The following COLEC12 variants were observed in gnomAD, a reference collection of about 807,000 sequenced individuals.
COLEC12 encodes the protein collectin subfamily member 12, also known as collectin-12.
Under a neutral mutation model 71.1 loss-of-function variants are expected in COLEC12, and 33 were observed. The observed-to-expected ratio is 0.46, with a 90% CI of 0.35 to 0.62. The LOEUF is 0.62. Ranked by LOEUF, COLEC12 falls within the 20% of genes least tolerant of loss-of-function variation. COLEC12 has a pLI of 0.00. For missense variants in COLEC12, 765 were observed against 916.1 expected, an observed-to-expected ratio of 0.84 and a Z score of 2.13; for synonymous variants, 350 against 353.0, an observed-to-expected ratio of 0.99 and a Z score of 0.10.
chr18:485,886 G>A (rs1013798220), intron 1 of COLEC12, among the ~76,000 whole-genome samples: 1 of 152,148 alleles, frequency 6.6e-6, no homozygotes, highest in Non-Finnish European at 1.5e-5. Flanking sequence ...ATCCAGTTCT[G>A]GTTCGGACTC....
rs1211006168 is a variant in COLEC12, at chr18:409,443, A to G, written c.59-51921T>C. The stretch of plus-strand genomic sequence containing the variant: ...CAGCTACTCGGGAGGCTGAGGCAGG[A>G]GAATCCACGAGGTGGAGGTTGCAGT... On this transcript the variant is annotated intron_variant, in intron 2 of 9. Coordinates refer to ENST00000400256, the MANE Select transcript of COLEC12 (RefSeq NM_130386.3). Among the ~76,000 whole-genome samples the G allele has an allele frequency of 3.3e-5, 5 of 152,264 alleles. No individual in the cohort carries two copies. The East Asian group carries it at 9.7e-4, about 30-fold the overall frequency.
At chr18:338,768 G>A (rs62089630) in intron 5 of COLEC12, among the ~76,000 whole-genome samples, 16,324 of 152,194 alleles carry the variant, frequency 0.11, 1,065 homozygotes, top group South Asian at 0.17. Context: ...GTAGCATTAT[G>A]GATAGTTCTA....
At chr18:458,718 T>G (rs1916919159) in intron 2 of COLEC12, among the ~76,000 whole-genome samples, 1 of 152,250 alleles carries the variant, frequency 6.6e-6, no homozygotes, top group South Asian at 2.1e-4. Context: ...GGATCACAGA[T>G]TCTGTCTCTA....
At position 357,410 on chromosome 18, in the gene COLEC12, C is replaced by T; in HGVS notation, c.171G>A (p.Leu57=). ...AGAAAGCATGCTTACCTTTATATCC[C>T]AAAATGGCTACTGTGATTGTTAGCA... ...CALLTITVAI[L]GYKVVEKMDN... Residue 57 remains leucine (L), a synonymous_variant, in exon 3 of 10, where the codon TTG becomes TTA. Transcript: ENST00000400256. 24 of 1,595,750 alleles carry T rather than the reference C, an allele frequency of 1.5e-5. No homozygotes were observed. The highest frequency in any genetic ancestry group is 2.0e-5 in the Non-Finnish European group (24 of 1,174,690).
chr18:339,271 C>T (rs1422823902), intron 5 of COLEC12, among the ~76,000 whole-genome samples: 2 of 152,142 alleles, frequency 1.3e-5, no homozygotes, highest in African/African-American at 2.4e-5. Flanking sequence ...TTCATTCATC[C>T]TATTTCTTTC....
At chr18:353,271 G>A (rs918670669) in intron 3 of COLEC12, among the ~76,000 whole-genome samples, 1 of 151,992 alleles carries the variant, frequency 6.6e-6, no homozygotes, top group South Asian at 2.1e-4. Flanking sequence ...TCTATTTATC[G>A]AGTGCCTGCT....
At chr18:341,508 G>T (rs895487407) in intron 5 of COLEC12, among the ~76,000 whole-genome samples, 1 of 152,180 alleles carries the variant, frequency 6.6e-6, no homozygotes, top group Non-Finnish European at 1.5e-5. Flanking sequence ...TCTAAGGCTG[G>T]GCACTAGAAA....
intron 3 of COLEC12, among the ~76,000 whole-genome samples, chr18:354,311 C>T (rs145385100): frequency 6.6e-6 from 1 of 152,268 alleles, no homozygotes; most frequent in African/African-American, 2.4e-5. Flanking sequence ...GGTGACTGAG[C>T]GATTCTCTGG....
chr18:416,249 A>T (rs35338126), intron 2 of COLEC12, among the ~76,000 whole-genome samples: 21,426 of 152,218 alleles, frequency 0.14, 1,993 homozygotes, highest in East Asian at 0.32. Flanking sequence ...ATCAAAAAGA[A>T]AAAACAAGCT....
chr18:485,944 C>G (rs1450981477), intron 1 of COLEC12, among the ~76,000 whole-genome samples: 2 of 152,228 alleles, frequency 1.3e-5, no homozygotes, highest in Admixed American at 1.3e-4. Context: ...CACATTGTAC[C>G]CTCAACAACT....
chr18:384,874 G>T (rs1915310415), intron 2 of COLEC12, among the ~76,000 whole-genome samples: 1 of 152,190 alleles, frequency 6.6e-6, no homozygotes, highest in Non-Finnish European at 1.5e-5. Context: ...CAGATAGGCT[G>T]GGACATAGGA....
At chr18:499,390 T>C (rs1917775104) in intron 1 of COLEC12, among the ~76,000 whole-genome samples, 1 of 152,218 alleles carries the variant, frequency 6.6e-6, no homozygotes, top group Admixed American at 6.5e-5. Context: ...CTCCGGTTAG[T>C]TCCGCGGGAG....
chr18:467,715 G>A (rs569392288), intron 2 of COLEC12, among the ~76,000 whole-genome samples: 10 of 152,260 alleles, frequency 6.6e-5, no homozygotes, highest in Middle Eastern at 3.4e-3. Flanking sequence ...TAGAGATCTG[G>A]AACAGAGTTC....
intron 2 of COLEC12, among the ~76,000 whole-genome samples, chr18:455,280 T>G (rs79228445): frequency 1.7e-5 from 2 of 114,388 alleles, no homozygotes; most frequent in Non-Finnish European, 3.3e-5. Context: ...ATTTTACGCT[T>G]TTTTTTTTTT....
chr18:321,831 T>A (rs1287769378), intron 8 of COLEC12, 24 bp from the exon 9 acceptor site: 3 of 1,611,724 alleles, frequency 1.9e-6, no homozygotes, highest in South Asian at 2.2e-5. Context: ...AGAAATTGAA[T>A]GTTATTTGCA....
At chr18:447,475 C>A (rs1376849583) in intron 2 of COLEC12, among the ~76,000 whole-genome samples, 2 of 152,228 alleles carry the variant, frequency 1.3e-5, no homozygotes, top group African/African-American at 4.8e-5. Flanking sequence ...GCGTGCTGAG[C>A]AGAGGCCACC....
chr18:346,192 T>C lies in COLEC12; in HGVS notation c.1327+103A>G. 4 of 833,268 alleles carry C rather than the reference T, an allele frequency of 4.8e-6. No homozygotes were observed. The highest frequency in any genetic ancestry group is 7.4e-6 in the Non-Finnish European group (4 of 537,188). The allele number at this position is 833,268 out of a possible 1,614,324, so 51.6% of individuals were successfully genotyped here. On this transcript the variant is annotated intron_variant, in intron 5 of 9. Transcript: ENST00000400256. This position sits in a 1 kb window ranked among gnomAD's most constrained non-coding sequence, Gnocchi z 4.0. ...TTGAATTCCTGGTCCACAAAAACTA[T>C]GAGATGATGAATATTTATTGTTTTA...
intron 8 of COLEC12, among the ~76,000 whole-genome samples, chr18:323,327 G>A (rs911652380): frequency 3.3e-5 from 5 of 152,182 alleles, no homozygotes; most frequent in Admixed American, 2.0e-4. Context: ...GTAAAAATGG[G>A]ATGCTACTTA....
At chr18:359,261 T>C (rs549624054) in intron 2 of COLEC12, among the ~76,000 whole-genome samples, 17 of 152,268 alleles carry the variant, frequency 1.1e-4, no homozygotes, top group Admixed American at 2.6e-4. Context: ...ATTTACACCA[T>C]AGAAATTGGC....
Sources: gnomAD v4.1 joint callset for allele counts (sites outside exome capture counted in the v4.1 genomes callset) on GRCh38, gnomAD v4.1.1 for gene constraint, Gnocchi (gnomAD v3.1) non-coding constraint, MANE v1.5 for transcripts, NCBI Gene and HGNC (gene_info 2026-07-23, HGNC 2026-07-21) for gene names.